Variants in PDE6A observed in about 807,000 individuals in gnomAD.
PDE6A encodes the protein rod cGMP-specific 3',5'-cyclic phosphodiesterase subunit alpha.
PDE6A carries 84 observed loss-of-function variants against 106.3 expected under a neutral mutation model. The ratio of observed to expected loss-of-function variants is 0.79; its 90% CI spans 0.66 to 0.95. PDE6A has a LOEUF of 0.95. PDE6A is among the 40% of genes least tolerant of loss of function. PDE6A has a pLI of 0.00. For synonymous variants in PDE6A, 394 were observed against 386.6 expected, an observed-to-expected ratio of 1.02 and a Z score of -0.23; for missense variants, 1,052 against 1,084.9, an observed-to-expected ratio of 0.97 and a Z score of 0.43.
chr5:149,936,547 C>T (rs144882359), intron 1 of PDE6A, among the ~76,000 whole-genome samples: 2,056 of 152,234 alleles, frequency 0.014, 154 homozygotes, highest in Admixed American at 0.12. Context: ...TCACCTGCAT[C>T]CAAGGCAGAT....
At chr5:149,876,487 C>T (rs1760746743) in intron 17 of PDE6A, among the ~76,000 whole-genome samples, 1 of 151,618 alleles carries the variant, frequency 6.6e-6, no homozygotes, top group African/African-American at 2.4e-5. Flanking sequence ...TCCCAAGTAG[C>T]GTGCACCACC....
At chr5:149,932,473 C>T (rs764117151) in intron 3 of PDE6A, 10 of 1,407,566 alleles carry the variant, frequency 7.1e-6, no homozygotes, top group Admixed American at 6.8e-5. Flanking sequence ...AATGAAACAT[C>T]CTCATTATTT....
intron 4 of PDE6A, among the ~76,000 whole-genome samples, chr5:149,923,707 C>G (rs1315112982): frequency 6.6e-6 from 1 of 152,200 alleles, no homozygotes; most frequent in Non-Finnish European, 1.5e-5. Flanking sequence ...TTCTTCCCCA[C>G]TACTTCTTCA....
intron 8 of PDE6A, 37 bp downstream of exon 8, chr5:149,903,611 A>C: frequency 6.4e-7 from 1 of 1,564,228 alleles, no homozygotes; most frequent in Non-Finnish European, 8.8e-7. Flanking sequence ...AGGAAAAAAA[A>C]TCATATGACT....
chr5:149,937,752 A>C (rs766718608), intron 1 of PDE6A, among the ~76,000 whole-genome samples: 1 of 152,196 alleles, frequency 6.6e-6, no homozygotes, highest in African/African-American at 2.4e-5. Context: ...AAACATTCAC[A>C]GTGCCAAGCT....
At position 149,863,147 on chromosome 5, in the gene PDE6A, CT is replaced by C; in HGVS notation, c.2477del (p.Lys826ArgfsTer66). On this transcript the variant is annotated frameshift_variant, in exon 21 of 22. Coordinates refer to ENST00000255266, the MANE Select transcript of PDE6A (RefSeq NM_000440.3). LOFTEE classifies it low-confidence loss of function (END_TRUNC). This position sits in a 1 kb window ranked among gnomAD's most constrained non-coding sequence, Gnocchi z 4.7. Reference sequence around the variant, plus strand: ...ACTTGGCCGACTGCTGTTTCTGCTTCTTCTCCTCCTGCACCTTCATCTTGGC... The same window carrying C: ...ACTTGGCCGACTGCTGTTTCTGCTTCTCTCCTCCTGCACCTTCATCTTGGC... ...YDAKMKVQEE[K>X]KQKQQSAKSA... 1 of 1,613,492 alleles carries C rather than the reference CT, an allele frequency of 6.2e-7. No individual in the cohort carries two copies. The highest frequency in any genetic ancestry group is 1.1e-5 in the South Asian group (1 of 91,086).
At chr5:149,892,384 T>C (rs891203887) in intron 13 of PDE6A, among the ~76,000 whole-genome samples, 2 of 152,174 alleles carry the variant, frequency 1.3e-5, no homozygotes, top group Admixed American at 6.6e-5. Context: ...GAGACTTTTC[T>C]GGAAGCACTG....
In PDE6A at chr5:149,896,935, T is replaced by C. The variant is rs1752777350; in HGVS notation, c.1408-159A>G. 2.6e-5 allele frequency among the ~76,000 whole-genome samples: 4 copies of C among 152,218 alleles called. No individual in the cohort carries two copies. The South Asian group carries it at 8.3e-4, about 32-fold the overall frequency. On this transcript the variant is annotated intron_variant, in intron 10 of 21. Coordinates refer to ENST00000255266, the MANE Select transcript of PDE6A (RefSeq NM_000440.3). ...CATTGATGCACAAGGTCCTGGGCTTTAGAGCCATAGAGACCTGCATTCAAA... is the reference window on the plus strand; with the variant it reads ...CATTGATGCACAAGGTCCTGGGCTTCAGAGCCATAGAGACCTGCATTCAAA...
intron 17 of PDE6A, among the ~76,000 whole-genome samples, chr5:149,869,438 A>G (rs2113512787): frequency 6.6e-6 from 1 of 152,254 alleles, no homozygotes; most frequent in East Asian, 1.9e-4. Flanking sequence ...AAGGCAAGGC[A>G]GGTATTATTA....
At position 149,907,915 on chromosome 5, in the gene PDE6A, T is replaced by C. The variant is rs552021176; in HGVS notation, c.999-537A>G. On this transcript the variant is annotated intron_variant, in intron 6 of 21. Coordinates refer to ENST00000255266, the MANE Select transcript of PDE6A (RefSeq NM_000440.3). ...GGAAATGAACATTTATAAAACCACA[T>C]GGACATCAAGAACAGCATTGTCAGC... is the stretch of plus-strand genomic sequence containing the variant. Among the ~76,000 whole-genome samples the C allele has an allele frequency of 9.8e-5, 15 of 152,330 alleles. No homozygotes were observed. The South Asian group carries it at 2.7e-3, about 27-fold the overall frequency.
intron 13 of PDE6A, among the ~76,000 whole-genome samples, chr5:149,888,118 G>A (rs532436605): frequency 4.6e-5 from 7 of 152,148 alleles, no homozygotes; most frequent in Non-Finnish European, 8.8e-5. Context: ...CAGCCTGTGT[G>A]ACAGAGCAAG....
chr5:149,884,898 A>G (rs372952670), intron 14 of PDE6A, 31 bp from the exon 15 acceptor site: 2 of 1,517,474 alleles, frequency 1.3e-6, no homozygotes, highest in Non-Finnish European at 1.8e-6. Context: ...ATCAATATGG[A>G]GTGGACAATA....
chr5:149,941,924 G>A (rs1754339117), intron 1 of PDE6A, among the ~76,000 whole-genome samples: 1 of 151,822 alleles, frequency 6.6e-6, no homozygotes, highest in Non-Finnish European at 1.5e-5. Context: ...CCGATTGGAT[G>A]GTAGCTTTCC....
Position 149,878,670 on chromosome 5 carries a change from A to C in PDE6A, c.2135+4759T>G, listed in dbSNP as rs79207872. Among the ~76,000 whole-genome samples the C allele has an allele frequency of 4.1e-3, 624 of 152,308 alleles. 10 individuals carry two copies. The highest frequency in any genetic ancestry group is 0.014 in the African/African-American group (583 of 41,572). On this transcript the variant is annotated intron_variant, in intron 17 of 21. Transcript: ENST00000255266. ...GTGGCCCTTTCCCTCACTCTGCCCGACACAGTATGTAAGCAAATGTTTTCA... is the reference window on the plus strand; with the variant it reads ...GTGGCCCTTTCCCTCACTCTGCCCGCCACAGTATGTAAGCAAATGTTTTCA...
At chr5:149,894,222 G>A (rs1393879466) in intron 13 of PDE6A, among the ~76,000 whole-genome samples, 1 of 152,162 alleles carries the variant, frequency 6.6e-6, no homozygotes, top group Non-Finnish European at 1.5e-5. Flanking sequence ...GCTTGTGTAT[G>A]AGGCTGAACA....
chr5:149,861,267 G>A (rs1760130851), intron 21 of PDE6A, among the ~76,000 whole-genome samples: 1 of 152,238 alleles, frequency 6.6e-6, no homozygotes, highest in African/African-American at 2.4e-5. Flanking sequence ...CTCATCTAAA[G>A]GGGGCAGTTG....
intron 17 of PDE6A, among the ~76,000 whole-genome samples, chr5:149,875,220 G>A (rs1358747278): frequency 6.6e-6 from 1 of 152,124 alleles, no homozygotes; most frequent in East Asian, 1.9e-4. Context: ...CACAGCTGGG[G>A]AGGGGTGGGG....
At chr5:149,866,968 A>C (rs1245474837) in intron 19 of PDE6A, 1 of 154,534 alleles carries the variant, frequency 6.5e-6, no homozygotes, top group Non-Finnish European at 1.4e-5. Context: ...AGTGAGAACG[A>C]CAAAGCCCAT....
intron 6 of PDE6A, among the ~76,000 whole-genome samples, chr5:149,911,891 C>T (rs11949894): frequency 0.15 from 22,424 of 148,468 alleles, 2,550 homozygotes; most frequent in African/African-American, 0.3. Flanking sequence ...TGGTGGCTCA[C>T]ACCTGTAATC....
Sources: allele counts gnomAD v4.1 joint callset (sites outside exome capture counted in the v4.1 genomes callset), GRCh38; gene constraint gnomAD v4.1.1; non-coding constraint Gnocchi (gnomAD v3.1); transcripts MANE v1.5; gene names NCBI Gene and HGNC (gene_info 2026-07-23, HGNC 2026-07-21).